The following POM121C variants were observed in gnomAD, a reference collection of about 807,000 sequenced individuals.
The protein encoded by POM121C is POM121 transmembrane nucleoporin C.
In POM121C, 20 loss-of-function variants were observed where a neutral mutation model predicts 66.4. That is an observed-to-expected ratio of 0.30 (90% CI 0.21 to 0.44). The LOEUF is 0.44. POM121C is among the 20% of genes least tolerant of loss of function. The pLI is 1.00. For missense variants in POM121C, 580 were observed against 1,225.7 expected (o/e 0.47, Z 7.87); for synonymous variants, 286 against 528.0 (o/e 0.54, Z 6.28).
At chr7:75,481,040 T>TATATA (rs1289091396) in intron 1 of POM121C, among the ~76,000 whole-genome samples, 2 of 147,614 alleles carry the variant, frequency 1.4e-5, no homozygotes, top group Non-Finnish European at 3.0e-5. Context: ...AATATATATA[T>TATATA]ATATATAAAT....
chr7:75,441,258 C>G, intron 4 of POM121C, 143 bp from the exon 5 acceptor site: 1 of 1,372,326 alleles, frequency 7.3e-7, no homozygotes, highest in Non-Finnish European at 9.9e-7. Flanking sequence ...GCTACTTTTT[C>G]GTTAACGGCA....
intron 3 of POM121C, among the ~76,000 whole-genome samples, chr7:75,465,269 A>G (rs1791586281): frequency 6.6e-6 from 1 of 151,430 alleles, no homozygotes; most frequent in East Asian, 2.0e-4. Context: ...TGCTGGGATT[A>G]TAAGCGTGAG....
chr7:75,423,943 G>T (rs1308270606), intron 12 of POM121C, 106 bp downstream of exon 12: 2 of 1,517,420 alleles, frequency 1.3e-6, no homozygotes, highest in Non-Finnish European at 1.8e-6. Flanking sequence ...GGGTGCGTTC[G>T]GCCTGCAGAG....
At chr7:75,425,524 C>G (rs1789909052) in intron 9 of POM121C, 111 bp downstream of exon 9, 8 of 948,048 alleles carry the variant, frequency 8.4e-6, no homozygotes, top group South Asian at 1.7e-5. Context: ...ATCTAACATG[C>G]CTTAGACATA....
At chr7:75,474,980 A>C (rs1283952450) in intron 2 of POM121C, 82 bp downstream of exon 2, 2 of 1,465,774 alleles carry the variant, frequency 1.4e-6, no homozygotes, top group Non-Finnish European at 1.9e-6. Context: ...CAAGGAATTA[A>C]ATGGTGTTGC....
At chr7:75,473,728 G>A (rs1445977140) in intron 3 of POM121C, among the ~76,000 whole-genome samples, 8 of 150,614 alleles carry the variant, frequency 5.3e-5, no homozygotes, top group East Asian at 2.0e-4. Flanking sequence ...TCGCTCTGTC[G>A]CCCAGGCTGG....
chr7:75,459,587 G>A (rs1363302379), intron 3 of POM121C, among the ~76,000 whole-genome samples: 1 of 43,392 alleles, frequency 2.3e-5, no homozygotes, highest in Non-Finnish European at 4.0e-5. Flanking sequence ...GCGATGGAGT[G>A]AGACTCTGTC....
In POM121C at chr7:75,422,033, G is replaced by A. The variant is rs782060382; in HGVS notation, c.2219C>T (p.Pro740Leu). The A allele has an allele frequency of 2.1e-5, 34 of 1,606,942 alleles. No individual in the cohort carries two copies. The highest frequency in any genetic ancestry group is 2.4e-5 in the Non-Finnish European group (28 of 1,176,428). ...FTFGNSAAPA[P>L]ATAPTPAPAS... ...AGGTGCAGGTGTGGGTGCAGTAGCCGGGGCCGGGGCTGCAGAGTTTCCAAA... is the reference window on the plus strand; with the variant it reads ...AGGTGCAGGTGTGGGTGCAGTAGCCAGGGCCGGGGCTGCAGAGTTTCCAAA... Residue 740 changes from proline (P) to leucine (L), a missense_variant, in exon 13 of 15, where the codon CCG becomes CTG. Pro to Leu is a moderately conservative substitution (Grantham distance 98). Transcript: ENST00000615331.
rs1790463485 is a variant in POM121C at position 75,437,553 on chromosome 7, T to C, written c.442A>G (p.Ile148Val). 5.0e-6 allele frequency: 8 copies of C among 1,613,952 alleles called. No homozygotes were observed. Among genetic ancestry groups the C allele is most frequent in the South Asian group, 1.1e-5 (1 of 91,072 alleles). ...SGIPSSSRNA[I>V]TSSYSSTRGI... ...CGAGTGGAGCTGTAGGAACTGGTAA[T>C]GGCATTGCGGCTGGAGCTAGGGATG... is the stretch of plus-strand genomic sequence containing the variant. The change falls in exon 7 of 15, where the codon ATT (isoleucine) becomes GTT (valine). Residue 148 changes from isoleucine to valine, a missense_variant. Physicochemically the swap from Ile to Val is conservative, Grantham distance 29. Transcript: ENST00000615331.
chr7:75,448,013 G>C (rs1201220990), intron 3 of POM121C, among the ~76,000 whole-genome samples: 1 of 143,590 alleles, frequency 7.0e-6, no homozygotes, highest in African/African-American at 2.6e-5. Flanking sequence ...GACAGAGCTA[G>C]ACTCCGTCTC....
chr7:75,424,658 C>A, intron 10 of POM121C, 30 bp from the exon 11 acceptor site: 1 of 1,612,494 alleles, frequency 6.2e-7, no homozygotes, highest in Non-Finnish European at 8.5e-7. Flanking sequence ...GAAGTCAGGC[C>A]AATCAGAAAA....
rs1181427182 is a variant in POM121C, at chr7:75,424,388, G to A, written c.871+138C>T. The A allele has an allele frequency of 3.8e-6, 5 of 1,305,660 alleles. No individual in the cohort carries two copies. In the South Asian group the frequency reaches 6.7e-5, roughly 17 times the overall value. The allele number at this position is 1,305,660 out of a possible 1,614,324, so 80.9% of individuals were successfully genotyped here. A position where few individuals can be genotyped will look rare whatever the true frequency, so the allele number is the denominator to read the frequency against. ...CGTGAAGACCAACACGGATATCTCA[G>A]GTGAGAAAGACCACAAGAAAACATG... On this transcript the variant is annotated intron_variant, in intron 11 of 14. Coordinates refer to ENST00000615331, the MANE Select transcript of POM121C (RefSeq NM_001099415.3).
At chr7:75,483,658 C>G (rs1554480480) in intron 1 of POM121C, among the ~76,000 whole-genome samples, 1 of 152,182 alleles carries the variant, frequency 6.6e-6, no homozygotes, top group African/African-American at 2.4e-5. Context: ...TGATGACTGC[C>G]AAGAGTATCA....
chr7:75,479,636 T>TAAAC (rs1235898795), intron 1 of POM121C, among the ~76,000 whole-genome samples: 52 of 146,890 alleles, frequency 3.5e-4, no homozygotes, highest in Non-Finnish European at 5.5e-4. Flanking sequence ...AATAAATAAA[T>TAAAC]AAATAAATAA....
At chr7:75,477,819 T>C (rs1792148278) in intron 1 of POM121C, among the ~76,000 whole-genome samples, 2 of 151,750 alleles carry the variant, frequency 1.3e-5, no homozygotes, top group Non-Finnish European at 2.9e-5. Context: ...CATGAGGACT[T>C]CTGCCCTCAG....
intron 7 of POM121C, among the ~76,000 whole-genome samples, chr7:75,430,060 C>A (rs1457719999): frequency 6.6e-6 from 1 of 152,106 alleles, no homozygotes; most frequent in Non-Finnish European, 1.5e-5. Flanking sequence ...TAGAAGTAAA[C>A]AAGGTCAATA....
chr7:75,440,425 G>C (rs1302931017), intron 5 of POM121C, among the ~76,000 whole-genome samples: 10 of 151,678 alleles, frequency 6.6e-5, no homozygotes, highest in Admixed American at 6.6e-4. Flanking sequence ...AAAATTAGCT[G>C]GGCATGGTGG....
At chr7:75,447,113 A>C (rs1790845986) in intron 3 of POM121C, among the ~76,000 whole-genome samples, 1 of 146,896 alleles carries the variant, frequency 6.8e-6, no homozygotes, top group Non-Finnish European at 1.5e-5. Flanking sequence ...ATAAATAAGC[A>C]AGAAAACACA....
chr7:75,433,700 A>G (rs1554472677), intron 7 of POM121C, among the ~76,000 whole-genome samples: 4 of 152,180 alleles, frequency 2.6e-5, no homozygotes, highest in African/African-American at 7.2e-5. Context: ...ATACTATACA[A>G]TTCTGACCCT....
Sources: allele counts gnomAD v4.1 joint callset (sites outside exome capture counted in the v4.1 genomes callset), GRCh38; gene constraint gnomAD v4.1.1; transcripts MANE v1.5; gene names NCBI Gene and HGNC (gene_info 2026-07-23, HGNC 2026-07-21).